Variants in NINL observed in about 807,000 individuals in gnomAD.
NINL encodes the protein ninein like.
Under a neutral mutation model 160.3 loss-of-function variants are expected in NINL, and 153 were observed. The ratio of observed to expected loss-of-function variants is 0.95; its 90% CI spans 0.84 to 1.09. NINL has a LOEUF of 1.09. Among genes scored for constraint, NINL ranks in the 50% least tolerant of loss-of-function variants. The pLI is 0.00. For synonymous variants in NINL, 800 were observed against 734.8 expected (o/e 1.09, Z -1.43); for missense variants, 1,829 against 1,764.0 (o/e 1.04, Z -0.66).
chr20:25,496,944 GC>G (rs1407442278), intron 9 of NINL, 141 bp from the exon 10 acceptor site: 19 of 1,081,244 alleles, frequency 1.8e-5, no homozygotes, highest in Non-Finnish European at 2.4e-5. Flanking sequence ...CCACCAGCCT[GC>G]TCCTAAGGCA....
At chr20:25,464,779 C>T (rs2062873218) in intron 19 of NINL, among the ~76,000 whole-genome samples, 1 of 152,230 alleles carries the variant, frequency 6.6e-6, no homozygotes. Flanking sequence ...TTTCAGCCTC[C>T]TCAAATGTGG....
At chr20:25,466,574 C>T (rs566048431) in intron 19 of NINL, among the ~76,000 whole-genome samples, 6 of 151,398 alleles carry the variant, frequency 4.0e-5, no homozygotes, top group East Asian at 2.0e-4. Flanking sequence ...CCAAGGCCAG[C>T]GGATAGCTTG....
intron 3 of NINL, among the ~76,000 whole-genome samples, chr20:25,515,432 G>A (rs1051357379): frequency 1.6e-4 from 25 of 152,262 alleles, no homozygotes; most frequent in South Asian, 6.2e-4. Flanking sequence ...GCTCATAGGC[G>A]GAAGGGACTT....
chr20:25,531,870 C>CT (rs762198441), intron 1 of NINL, among the ~76,000 whole-genome samples: 2 of 152,134 alleles, frequency 1.3e-5, no homozygotes, highest in Non-Finnish European at 2.9e-5. Context: ...CCTAAGCCAG[C>CT]TGGGGGTGCC....
intron 17 of NINL, among the ~76,000 whole-genome samples, chr20:25,472,119 T>A (rs2063108175): frequency 6.6e-6 from 1 of 151,798 alleles, no homozygotes; most frequent in Admixed American, 6.6e-5. Flanking sequence ...AAAGTCAATG[T>A]CAAAATAAAA....
intron 1 of NINL, among the ~76,000 whole-genome samples, chr20:25,557,876 C>A (rs753170728): frequency 1.3e-5 from 2 of 151,976 alleles, no homozygotes; most frequent in South Asian, 2.1e-4. Context: ...CGCTTGTAAT[C>A]CCAGCACTTT....
At chr20:25,540,146 C>T (rs1176246990) in intron 1 of NINL, 22 of 761,440 alleles carry the variant, frequency 2.9e-5, no homozygotes, top group Non-Finnish European at 4.1e-5. Context: ...GGCCAGCATT[C>T]AGCAGCTGGC....
At chr20:25,508,970 C>G (rs2064015373) in intron 5 of NINL, among the ~76,000 whole-genome samples, 1 of 152,206 alleles carries the variant, frequency 6.6e-6, no homozygotes, top group African/African-American at 2.4e-5. Flanking sequence ...TCAGCCTGCC[C>G]ATGTGAGGCA....
At chr20:25,489,154 G>A in intron 13 of NINL, 90 bp downstream of exon 13, 1 of 1,220,466 alleles carries the variant, frequency 8.2e-7, no homozygotes, top group Non-Finnish European at 1.2e-6. Flanking sequence ...TCTCCCTGGA[G>A]CAGACACTCC....
At chr20:25,575,176 C>T (rs1298558814) in intron 1 of NINL, among the ~76,000 whole-genome samples, 15 of 151,146 alleles carry the variant, frequency 9.9e-5, no homozygotes, top group East Asian at 5.9e-4. Flanking sequence ...AGGCCAGGTG[C>T]GGTGGCTCAC....
In NINL at chr20:25,453,414, A is replaced by C; in HGVS notation, c.*37T>G. The C allele has an allele frequency of 6.5e-7, 1 of 1,542,728 alleles. No individual in the cohort carries two copies. Among genetic ancestry groups the C allele is most frequent in the African/African-American group, 1.4e-5 (1 of 73,198 alleles). Reference sequence around the variant, plus strand: ...GCAGCACAGTGGCTTAATTTAAAAGATGTGCTTTCGAATGAATCCTAGAAA... The same window carrying C: ...GCAGCACAGTGGCTTAATTTAAAAGCTGTGCTTTCGAATGAATCCTAGAAA... On this transcript the variant is annotated 3_prime_UTR_variant, in exon 24 of 24. Transcript: ENST00000278886.
chr20:25,492,252 AG>A (rs1176537936), intron 10 of NINL, among the ~76,000 whole-genome samples: 1 of 152,198 alleles, frequency 6.6e-6, no homozygotes, highest in Non-Finnish European at 1.5e-5. Context: ...AAGAGTATGA[AG>A]GAAGTACAAT....
intron 1 of NINL, among the ~76,000 whole-genome samples, chr20:25,573,914 C>T (rs2065084777): frequency 1.3e-5 from 2 of 152,152 alleles, no homozygotes. Flanking sequence ...ATAGCCTGTT[C>T]CATACAGCAC....
intron 1 of NINL, among the ~76,000 whole-genome samples, chr20:25,530,843 T>C (rs1168308520): frequency 2.0e-5 from 3 of 152,196 alleles, no homozygotes; most frequent in Non-Finnish European, 2.9e-5. Context: ...ACCACAGGAC[T>C]GGGACGAAAT....
At chr20:25,571,687 G>C (rs1249819676) in intron 1 of NINL, among the ~76,000 whole-genome samples, 1 of 151,920 alleles carries the variant, frequency 6.6e-6, no homozygotes, top group Non-Finnish European at 1.5e-5. Flanking sequence ...GGCCAGCATG[G>C]TGAAACTCTG....
At chr20:25,455,621 A>G in intron 23 of NINL, 52 bp downstream of exon 23, 1 of 1,320,746 alleles carries the variant, frequency 7.6e-7, no homozygotes, top group Non-Finnish European at 1.1e-6. Flanking sequence ...ATAAAAGTGG[A>G]GAGCGTTCAG....
chr20:25,512,670 G>A (rs542739390), intron 4 of NINL, among the ~76,000 whole-genome samples, 164 bp downstream of exon 4: 4 of 152,320 alleles, frequency 2.6e-5, no homozygotes, highest in African/African-American at 9.6e-5. Context: ...CAATTTAAAT[G>A]AAATGGCACT....
intron 1 of NINL, among the ~76,000 whole-genome samples, chr20:25,531,462 C>A (rs914897178): frequency 1.3e-5 from 2 of 152,176 alleles, no homozygotes; most frequent in Admixed American, 1.3e-4. Context: ...ATGAAATCTT[C>A]ACAATTTATG....
chr20:25,494,985 G>A (rs1194522649), intron 10 of NINL, among the ~76,000 whole-genome samples: 3 of 152,212 alleles, frequency 2.0e-5, no homozygotes, highest in Non-Finnish European at 4.4e-5. Context: ...GACTGGGCCA[G>A]TTACTGAGCT....
Sources: allele counts gnomAD v4.1 joint callset (sites outside exome capture counted in the v4.1 genomes callset), GRCh38; gene constraint gnomAD v4.1.1; transcripts MANE v1.5; gene names NCBI Gene and HGNC (gene_info 2026-07-23, HGNC 2026-07-21).